Variants in NUP205 observed in about 807,000 individuals in gnomAD.
The protein encoded by NUP205 is nuclear pore complex protein Nup205.
NUP205 carries 76 observed loss-of-function variants against 253.8 expected under a neutral mutation model. The observed-to-expected ratio is 0.30, with a 90% CI of 0.25 to 0.36. The LOEUF (loss-of-function observed/expected upper bound fraction) is 0.36. NUP205 is among the 10% of genes least tolerant of loss of function. The probability of loss-of-function intolerance (pLI) is 1.00; values close to 1 mark genes in which losing one functional copy is unlikely to be tolerated. For synonymous variants in NUP205, 832 were observed against 850.1 expected (o/e 0.98, Z 0.37); for missense variants, 2,162 against 2,425.5 (o/e 0.89, Z 2.28).
At chr7:135,577,364 A>G (rs1387732231) in intron 5 of NUP205, among the ~76,000 whole-genome samples, 1 of 152,188 alleles carries the variant, frequency 6.6e-6, no homozygotes, top group Non-Finnish European at 1.5e-5. Context: ...CATAATTAGC[A>G]TATCCATCAC....
chr7:135,572,188 A>T (rs1330310213), intron 2 of NUP205, among the ~76,000 whole-genome samples: 1 of 152,168 alleles, frequency 6.6e-6, no homozygotes, highest in East Asian at 1.9e-4. Context: ...TCTTAGGAGC[A>T]ATGTTATTCT....
chr7:135,573,835 C>G lies in NUP205; in HGVS notation c.343+10C>G. On this transcript the variant is annotated intron_variant, in intron 3 of 42. Transcript: ENST00000285968. ...GAGCTTCTTCTTGCTGGTAGGTTGA[C>G]ATTTAACTGAAACAGTGGTAAAATA... 1 of 1,599,572 alleles carries G rather than the reference C, an allele frequency of 6.3e-7. No homozygotes were observed. Among genetic ancestry groups the G allele is most frequent in the Non-Finnish European group, 8.5e-7 (1 of 1,173,188 alleles).
chr7:135,622,152 C>T (rs10276119), intron 30 of NUP205, among the ~76,000 whole-genome samples: 16 of 151,108 alleles, frequency 1.1e-4, no homozygotes, highest in East Asian at 4.0e-4. Flanking sequence ...CGGCTGGGCA[C>T]GGTGGCTCAC....
intron 13 of NUP205, among the ~76,000 whole-genome samples, chr7:135,595,925 A>T (rs1462871757): frequency 6.6e-6 from 1 of 151,598 alleles, no homozygotes; most frequent in Non-Finnish European, 1.5e-5. Context: ...CATTATTCAT[A>T]GAAGCAAAAA....
rs11550518 is a variant in NUP205, at chr7:135,619,467, C to T, written c.4008C>T (p.Ala1336=). 63,136 of 1,613,452 alleles carry T rather than the reference C, an allele frequency of 0.039. 1,414 individuals carry two copies. The highest frequency in any genetic ancestry group is 0.078 in the Middle Eastern group (432 of 5,564). Residue 1336 remains alanine, a synonymous_variant, in exon 29 of 43, where the codon GCC becomes GCT. Transcript: ENST00000285968. ...CGCAAGAGTTAATGCCTGTGGTCGC[C>T]GGGGCAGTGTTCACACTGACTGCTC... ...EAAQELMPVV[A]GAVFTLTAHL...
rs1461516124 is a variant in NUP205, at chr7:135,591,562, A to C, written c.1586A>C (p.Tyr529Ser). ...GCCAATGGGCCTCAGTGTGCCCACT[A>C]CTGTTTCAGCCTGCTCAAAGTCAAT... ...GLANGPQCAH[Y>S]CFSLLKVNGS... Residue 529 changes from tyrosine (Y) to serine (S), a missense_variant, in exon 11 of 43, where the codon TAC (tyrosine) becomes TCC (serine). Transcript: ENST00000285968. The C allele has an allele frequency of 6.2e-7, 1 of 1,613,918 alleles. No homozygotes were observed. Among genetic ancestry groups the C allele is most frequent in the East Asian group, 2.2e-5 (1 of 44,872 alleles).
At chr7:135,614,448 C>G (rs1794309382) in intron 23 of NUP205, among the ~76,000 whole-genome samples, 175 bp downstream of exon 23, 2 of 151,998 alleles carry the variant, frequency 1.3e-5, no homozygotes, top group African/African-American at 4.8e-5. Flanking sequence ...TAACTGCTAG[C>G]AAAAACTTAT....
At chr7:135,590,099 T>A (rs1806585207) in intron 10 of NUP205, among the ~76,000 whole-genome samples, 1 of 148,476 alleles carries the variant, frequency 6.7e-6, no homozygotes, top group African/African-American at 2.5e-5. Flanking sequence ...ACTATATTAT[T>A]ATTTTATTTA....
Position 135,615,981 on chromosome 7 carries a change from G to A in NUP205, c.3376G>A (p.Val1126Ile), listed in dbSNP as rs747704136. ...GAAAACTGCCTCAATAGAGCTAAGG[G>A]TAACCTCTCTGAATCGTCAGCGGTC... The part of the protein sequence containing the change: ...LMKTASIELR[V>I]TSLNRQRSHT... Residue 1126 changes from valine (V) to isoleucine (I), a missense_variant, in exon 24 of 43, where the codon GTA (valine) becomes ATA (isoleucine). Physicochemically the swap from Val to Ile is conservative, Grantham distance 29. This residue lies in a region of NUP205 where 1,144 missense variants were observed against 1,280.9 expected (regional missense o/e 0.89). Coordinates refer to ENST00000285968, the MANE Select transcript of NUP205 (RefSeq NM_015135.3). 5 of 1,613,542 alleles carry A rather than the reference G, an allele frequency of 3.1e-6. No homozygotes were observed. The highest frequency in any genetic ancestry group is 1.1e-5 in the South Asian group (1 of 91,064).
chr7:135,641,299 C>G (rs1478444945), intron 38 of NUP205, among the ~76,000 whole-genome samples: 1 of 152,124 alleles, frequency 6.6e-6, no homozygotes, highest in Non-Finnish European at 1.5e-5. Flanking sequence ...TATCTGGGGA[C>G]CAGGATACCT....
chr7:135,640,903 G>A (rs542504897), intron 38 of NUP205, among the ~76,000 whole-genome samples: 67 of 152,126 alleles, frequency 4.4e-4, no homozygotes, highest in Non-Finnish European at 9.0e-4. Context: ...GTTTTCTCCT[G>A]TATTCAGAAA....
intron 3 of NUP205, among the ~76,000 whole-genome samples, chr7:135,575,475 A>G (rs191656042): frequency 1.3e-5 from 2 of 152,242 alleles, no homozygotes; most frequent in Non-Finnish European, 2.9e-5. Flanking sequence ...AATGAAACTG[A>G]AACTATAGGC....
chr7:135,572,315 C>T (rs1045001773), intron 2 of NUP205, among the ~76,000 whole-genome samples: 2 of 151,926 alleles, frequency 1.3e-5, no homozygotes, highest in Non-Finnish European at 2.9e-5. Flanking sequence ...AATTTCTGAC[C>T]TCTAGTTAGT....
At chr7:135,622,614 A>T (rs1327609334) in intron 30 of NUP205, among the ~76,000 whole-genome samples, 163 bp from the exon 31 acceptor site, 4 of 151,134 alleles carry the variant, frequency 2.6e-5, no homozygotes, top group African/African-American at 9.7e-5. Flanking sequence ...ACCTGCTTGG[A>T]CCCACCGGTC....
At chr7:135,644,868 T>C in intron 39 of NUP205, 27 bp from the exon 40 acceptor site, 1 of 1,611,210 alleles carries the variant, frequency 6.2e-7, no homozygotes, top group Admixed American at 1.7e-5. Context: ...GTTGATGTCA[T>C]TCTAATACCA....
At position 135,602,684 on chromosome 7, in the gene NUP205, C is replaced by T. The variant is rs575909549; in HGVS notation, c.2513-121C>T. The T allele has an allele frequency of 3.9e-6, 3 of 770,846 alleles. No individual in the cohort carries two copies. The East Asian group carries it at 8.3e-5, about 21-fold the overall frequency. The allele number at this position is 770,846 out of a possible 1,614,324, so 47.8% of individuals were successfully genotyped here. ...AGGTTTTGCTGCTGAAAGTTGGAAACAAGAGTCTGAATCTCTAGATCTGAA... is the reference window on the plus strand; with the variant it reads ...AGGTTTTGCTGCTGAAAGTTGGAAATAAGAGTCTGAATCTCTAGATCTGAA... On this transcript the variant is annotated intron_variant, in intron 17 of 42. Transcript: ENST00000285968.
In NUP205 at chr7:135,611,206, C is replaced by T. The variant is rs542599984; in HGVS notation, c.3196-2953C>T. ...TGTATTTTTAGTGGAGACGGGGTTTCACCATGTTGGCCAGGGTGGTCTCAA... is the reference window on the plus strand; with the variant it reads ...TGTATTTTTAGTGGAGACGGGGTTTTACCATGTTGGCCAGGGTGGTCTCAA... On this transcript the variant is annotated intron_variant, in intron 22 of 42. Transcript: ENST00000285968. Among the ~76,000 whole-genome samples, 24 of 152,182 alleles carry T rather than the reference C, an allele frequency of 1.6e-4. 1 individual carries two copies. In the South Asian group the frequency reaches 5.0e-3, roughly 32 times the overall value.
At chr7:135,625,977 C>T (rs1380440132) in intron 32 of NUP205, among the ~76,000 whole-genome samples, 1 of 152,136 alleles carries the variant, frequency 6.6e-6, no homozygotes, top group Non-Finnish European at 1.5e-5. Flanking sequence ...CCTCCATGGG[C>T]CCACATGATA....
At chr7:135,611,730 T>C (rs1235897618) in intron 22 of NUP205, among the ~76,000 whole-genome samples, 2 of 152,182 alleles carry the variant, frequency 1.3e-5, no homozygotes, top group African/African-American at 4.8e-5. Flanking sequence ...TCCCAGGTAC[T>C]TGGGAGGCTG....
Sources: allele counts gnomAD v4.1 joint callset (sites outside exome capture counted in the v4.1 genomes callset), GRCh38; gene constraint gnomAD v4.1.1; regional missense constraint gnomAD v4.1.1; transcripts MANE v1.5; gene names NCBI Gene and HGNC (gene_info 2026-07-23, HGNC 2026-07-21).